Variants in PCDH9 observed in about 807,000 individuals in gnomAD.
PCDH9 encodes protocadherin-9.
A neutral mutation model predicts 70.6 loss-of-function variants in PCDH9; 24 were observed. The ratio of observed to expected loss-of-function variants is 0.34; its 90% confidence interval spans 0.25 to 0.48. The LOEUF (loss-of-function observed/expected upper bound fraction) is 0.48, where lower values mean the gene tolerates loss of function less well. Ranked by LOEUF, PCDH9 falls within the 20% of genes least tolerant of loss-of-function variation. The pLI, the probability that PCDH9 is intolerant of heterozygous loss-of-function variation, is 0.99. For missense variants in PCDH9, 1,281 were observed against 1,503.6 expected, an observed-to-expected ratio of 0.85 and a Z score of 2.45; for synonymous variants, 562 against 558.5, an observed-to-expected ratio of 1.01 and a Z score of -0.09.
In PCDH9 at chr13:66,850,299, AC is replaced by A. The variant is rs919345516; in HGVS notation, c.3138+53204del. Among the ~76,000 whole-genome samples the A allele has an allele frequency of 1.1e-3, 170 of 152,228 alleles. 8 individuals are homozygous for A. The highest frequency in any genetic ancestry group is 0.011 in the Admixed American group (168 of 15,296). On this transcript the variant is annotated intron_variant, in intron 3 of 4. Coordinates refer to ENST00000377865, the MANE Select transcript of PCDH9 (RefSeq NM_203487.3). Reference sequence around the variant, plus strand: ...TTTGGGAGACTGAGGCAGGCGGATCACCTGAGGTCAGGAGTTCAAGACCAGC... The same window carrying A: ...TTTGGGAGACTGAGGCAGGCGGATCACTGAGGTCAGGAGTTCAAGACCAGC...
At chr13:66,530,224 A>G (rs1960392670) in intron 4 of PCDH9, among the ~76,000 whole-genome samples, 1 of 152,114 alleles carries the variant, frequency 6.6e-6, no homozygotes, top group Non-Finnish European at 1.5e-5. Context: ...GAAAGAAATT[A>G]TAAATACTGT....
At chr13:66,724,545 ACT>A (rs1440569813) in intron 3 of PCDH9, among the ~76,000 whole-genome samples, 4 of 152,102 alleles carry the variant, frequency 2.6e-5, no homozygotes, top group Admixed American at 6.6e-5. Flanking sequence ...TGATAATACA[ACT>A]CTGACCTACA....
chr13:67,010,687 C>A (rs2084436156), intron 2 of PCDH9, among the ~76,000 whole-genome samples: 1 of 151,992 alleles, frequency 6.6e-6, no homozygotes. Context: ...CAATTCTGGA[C>A]TCCTGCAGTG....
chr13:66,531,828 G>A (rs1420343029), intron 4 of PCDH9, among the ~76,000 whole-genome samples: 1 of 152,106 alleles, frequency 6.6e-6, no homozygotes, highest in African/African-American at 2.4e-5. Flanking sequence ...CTGAATGATT[G>A]TTAATCAACA....
chr13:66,501,075 C>T (rs1470409367), intron 4 of PCDH9, among the ~76,000 whole-genome samples: 1 of 151,950 alleles, frequency 6.6e-6, no homozygotes, highest in Non-Finnish European at 1.5e-5. Context: ...AAAATAATCA[C>T]CAAGAACTTC....
chr13:66,307,212 G>A (rs1955484133), intron 4 of PCDH9, among the ~76,000 whole-genome samples: 1 of 151,862 alleles, frequency 6.6e-6, no homozygotes, highest in South Asian at 2.1e-4. Flanking sequence ...ACATTTGCAA[G>A]TTTTAATTTT....
Position 67,227,202 on chromosome 13 carries a change from C to A in PCDH9, c.1239G>T (p.Ala413=), listed in dbSNP as rs372255783. 1.2e-6 allele frequency: 2 copies of A among 1,613,006 alleles called. No individual in the cohort carries two copies. The highest frequency in any genetic ancestry group is 2.7e-5 in the African/African-American group (2 of 74,862). ...IEREVPFHLK[A]VYDNQYLLET... ...CTAACAAATATTGGTTGTCATATAC[C>A]GCCTTCAAATGAAATGGGACCTCTC... Residue 413 remains alanine (A), a synonymous_variant, in exon 2 of 5, where the codon GCG becomes GCT. Transcript: ENST00000377865. This position sits in a 1 kb window ranked among gnomAD's most constrained non-coding sequence, Gnocchi z 4.6.
intron 4 of PCDH9, among the ~76,000 whole-genome samples, chr13:66,385,384 A>C (rs896397514): frequency 1.2e-4 from 19 of 152,170 alleles, no homozygotes; most frequent in Admixed American, 4.6e-4. Flanking sequence ...AAAGGTAAAA[A>C]ACTAATACAT....
chr13:67,048,651 G>C (rs2085267732), intron 2 of PCDH9, among the ~76,000 whole-genome samples: 1 of 152,176 alleles, frequency 6.6e-6, no homozygotes, highest in Non-Finnish European at 1.5e-5. Context: ...GAGCTGAATG[G>C]AGTTTTGCTG....
At chr13:66,370,646 G>A (rs1296183210) in intron 4 of PCDH9, among the ~76,000 whole-genome samples, 1 of 151,504 alleles carries the variant, frequency 6.6e-6, no homozygotes, top group African/African-American at 2.4e-5. Flanking sequence ...GAGTAGCTGG[G>A]ACTACAGGTA....
At chr13:67,031,593 G>T (rs260145) in intron 2 of PCDH9, among the ~76,000 whole-genome samples, 31,557 of 152,038 alleles carry the variant, frequency 0.21, 3,485 homozygotes, top group Non-Finnish European at 0.22. Context: ...TGAGGCAGGA[G>T]AACTGCTTGA....
chr13:66,319,221 T>C (rs865866805), intron 4 of PCDH9, among the ~76,000 whole-genome samples: 4 of 152,150 alleles, frequency 2.6e-5, no homozygotes, highest in African/African-American at 7.2e-5. Flanking sequence ...CTCACTATCA[T>C]GGCAATAGCG....
intron 4 of PCDH9, among the ~76,000 whole-genome samples, chr13:66,439,847 A>G (rs997877511): frequency 1.2e-4 from 18 of 152,246 alleles, no homozygotes; most frequent in African/African-American, 4.1e-4. Context: ...TGTGTTCTAA[A>G]CTAGTTGCCA....
At chr13:67,177,678 A>T (rs1417652708) in intron 2 of PCDH9, among the ~76,000 whole-genome samples, 1 of 151,898 alleles carries the variant, frequency 6.6e-6, no homozygotes, top group Non-Finnish European at 1.5e-5. Flanking sequence ...TCCTCTCATA[A>T]CCTCTTGCAG....
chr13:66,824,613 C>G (rs986542189), intron 3 of PCDH9, among the ~76,000 whole-genome samples: 31 of 139,862 alleles, frequency 2.2e-4, no homozygotes, highest in African/African-American at 7.6e-4. Context: ...CCAGATAATG[C>G]CATTGCACTC....
chr13:66,451,782 A>T (rs748646888), intron 4 of PCDH9, among the ~76,000 whole-genome samples: 1 of 152,226 alleles, frequency 6.6e-6, no homozygotes, highest in Non-Finnish European at 1.5e-5. Flanking sequence ...TACTATTAAC[A>T]TATGGAAAAT....
chr13:66,635,765 CA>C (rs546429099), intron 3 of PCDH9, among the ~76,000 whole-genome samples: 27 of 152,178 alleles, frequency 1.8e-4, no homozygotes, highest in Non-Finnish European at 3.5e-4. Context: ...GTGAATGACT[CA>C]CATTCAAGCC....
At chr13:66,637,556 T>C (rs938781347) in intron 3 of PCDH9, among the ~76,000 whole-genome samples, 7 of 152,214 alleles carry the variant, frequency 4.6e-5, no homozygotes, top group African/African-American at 1.4e-4. Context: ...TGGAAGTACT[T>C]ATGTTAAAAT....
At chr13:66,408,203 C>T (rs951142334) in intron 4 of PCDH9, among the ~76,000 whole-genome samples, 2 of 151,922 alleles carry the variant, frequency 1.3e-5, no homozygotes, top group Non-Finnish European at 2.9e-5. Flanking sequence ...GGACTACAGG[C>T]GCCCGCCACC....
Sources: allele counts gnomAD v4.1 joint callset (sites outside exome capture counted in the v4.1 genomes callset), GRCh38; gene constraint gnomAD v4.1.1; non-coding constraint Gnocchi (gnomAD v3.1); transcripts MANE v1.5; gene names NCBI Gene and HGNC (gene_info 2026-07-23, HGNC 2026-07-21).